VEPH1: variants seen among roughly 807,000 people sequenced by gnomAD.
The protein encoded by VEPH1 is ventricular zone expressed PH domain containing 1.
VEPH1 carries 80 observed loss-of-function variants against 85.2 expected under a neutral mutation model. The ratio of observed to expected loss-of-function variants is 0.94; its 90% confidence interval spans 0.78 to 1.13. The LOEUF (loss-of-function observed/expected upper bound fraction) is 1.13. Ranked by LOEUF, VEPH1 falls within the 50% of genes most tolerant of loss-of-function variation. The probability of loss-of-function intolerance (pLI) is 0.00; values close to 1 mark genes in which losing one functional copy is unlikely to be tolerated. For missense variants in VEPH1, 955 were observed against 980.5 expected (o/e 0.97, Z 0.35); for synonymous variants, 297 against 348.0 (o/e 0.85, Z 1.63).
intron 9 of VEPH1, among the ~76,000 whole-genome samples, chr3:157,324,860 G>C (rs918004961): frequency 6.6e-6 from 1 of 152,098 alleles, no homozygotes; most frequent in African/African-American, 2.4e-5. Context: ...CCCAGTAATG[G>C]GTTTGTTGGG....
At chr3:157,429,908 A>T (rs561908733) in intron 4 of VEPH1, among the ~76,000 whole-genome samples, 1 of 152,350 alleles carries the variant, frequency 6.6e-6, no homozygotes, top group East Asian at 1.9e-4. Flanking sequence ...AACTCACTAC[A>T]GAGGCCCTGG....
At chr3:157,325,355 T>G (rs1209099745) in intron 9 of VEPH1, among the ~76,000 whole-genome samples, 3 of 152,202 alleles carry the variant, frequency 2.0e-5, no homozygotes, top group Non-Finnish European at 4.4e-5. Context: ...TAGATCTCAT[T>G]TGTGAATTTT....
intron 11 of VEPH1, among the ~76,000 whole-genome samples, chr3:157,292,585 G>T (rs185625526): frequency 6.6e-6 from 1 of 152,042 alleles, no homozygotes; most frequent in Non-Finnish European, 1.5e-5. Flanking sequence ...GTAGCTACTT[G>T]GGAGGCTGAG....
chr3:157,414,117 G>C, intron 5 of VEPH1, 27 bp from the exon 6 acceptor site: 5 of 1,499,430 alleles, frequency 3.3e-6, no homozygotes, highest in African/African-American at 1.4e-5. Flanking sequence ...GAGGAGGAGG[G>C]AAGAAAGAAG....
chr3:157,386,008 A>C (rs1729249787), intron 6 of VEPH1, among the ~76,000 whole-genome samples: 1 of 152,198 alleles, frequency 6.6e-6, no homozygotes, highest in South Asian at 2.1e-4. Context: ...TGATCTCATC[A>C]GAAAAGTCTT....
intron 12 of VEPH1, among the ~76,000 whole-genome samples, chr3:157,268,077 G>A (rs1363293038): frequency 2.0e-5 from 3 of 152,190 alleles, no homozygotes; most frequent in Non-Finnish European, 4.4e-5. Context: ...TAATTTCAGA[G>A]TTCTGCTTTG....
intron 5 of VEPH1, among the ~76,000 whole-genome samples, chr3:157,424,021 A>G (rs1732551498): frequency 6.6e-6 from 1 of 152,130 alleles, no homozygotes; most frequent in South Asian, 2.1e-4. Context: ...GTTGGTTGAT[A>G]TGGTTTGGCT....
At chr3:157,292,579 C>A (rs993886463) in intron 11 of VEPH1, among the ~76,000 whole-genome samples, 2 of 151,918 alleles carry the variant, frequency 1.3e-5, no homozygotes, top group African/African-American at 4.8e-5. Flanking sequence ...ATCATCGTAG[C>A]TACTTGGGAG....
chr3:157,425,738 A>T (rs1285905998), intron 5 of VEPH1, among the ~76,000 whole-genome samples: 1 of 152,192 alleles, frequency 6.6e-6, no homozygotes, highest in African/African-American at 2.4e-5. Context: ...TAATGCTGAA[A>T]TGAGTTAAAA....
chr3:157,467,564 C>T (rs1034293676), intron 3 of VEPH1, among the ~76,000 whole-genome samples: 2 of 152,184 alleles, frequency 1.3e-5, no homozygotes, highest in African/African-American at 4.8e-5. Context: ...TGCTATGACC[C>T]CAGGTTTGCC....
intron 9 of VEPH1, among the ~76,000 whole-genome samples, chr3:157,354,103 T>C (rs1725169854): frequency 6.6e-6 from 1 of 152,162 alleles, no homozygotes; most frequent in South Asian, 2.1e-4. Flanking sequence ...TATGAGTTCA[T>C]CGATTGCACC....
intron 9 of VEPH1, among the ~76,000 whole-genome samples, chr3:157,340,059 A>G (rs953786404): frequency 6.6e-6 from 1 of 152,216 alleles, no homozygotes; most frequent in African/African-American, 2.4e-5. Context: ...AAGATGGCCA[A>G]ATAGGAACAG....
chr3:157,497,731 T>C (rs1374741911), intron 1 of VEPH1, among the ~76,000 whole-genome samples: 1 of 152,122 alleles, frequency 6.6e-6, no homozygotes. Flanking sequence ...TTCTGCACAC[T>C]CCACATTTAC....
At chr3:157,392,948 T>G (rs1020944796) in intron 6 of VEPH1, among the ~76,000 whole-genome samples, 2 of 152,214 alleles carry the variant, frequency 1.3e-5, no homozygotes, top group African/African-American at 4.8e-5. Context: ...AGGCTCCTTT[T>G]AAACTAGGGC....
intron 4 of VEPH1, among the ~76,000 whole-genome samples, chr3:157,439,603 G>C (rs1733954033): frequency 6.6e-6 from 1 of 152,156 alleles, no homozygotes. Flanking sequence ...TCCAGTCCAT[G>C]AACTTATATA....
At chr3:157,446,615 A>G (rs113575058) in intron 4 of VEPH1, among the ~76,000 whole-genome samples, 2 of 152,208 alleles carry the variant, frequency 1.3e-5, no homozygotes, top group African/African-American at 4.8e-5. Context: ...CAAATCTTAG[A>G]TTAGAAATCT....
chr3:157,285,934 G>A (rs1045419285), intron 12 of VEPH1, among the ~76,000 whole-genome samples: 10 of 152,158 alleles, frequency 6.6e-5, no homozygotes, highest in Admixed American at 6.5e-4. Context: ...TTCCTCATAA[G>A]AGTATTGCAA....
At chr3:157,459,877 A>T (rs1400616255) in intron 4 of VEPH1, 1 of 1,537,202 alleles carries the variant, frequency 6.5e-7, no homozygotes, top group South Asian at 1.2e-5. Flanking sequence ...AGATCTCCAC[A>T]GTTGGTAGTT....
intron 4 of VEPH1, among the ~76,000 whole-genome samples, chr3:157,453,115 A>G (rs1395052750): frequency 6.6e-6 from 1 of 152,198 alleles, no homozygotes; most frequent in Non-Finnish European, 1.5e-5. Flanking sequence ...CTTAATTGGT[A>G]TTCATGATGA....
Sources: allele counts gnomAD v4.1 joint callset (sites outside exome capture counted in the v4.1 genomes callset), GRCh38; gene constraint gnomAD v4.1.1; transcripts MANE v1.5; gene names NCBI Gene and HGNC (gene_info 2026-07-23, HGNC 2026-07-21).